Variants in OPRK1 observed in about 807,000 individuals in gnomAD.
OPRK1 encodes kappa-type opioid receptor.
In OPRK1, 15 loss-of-function variants were observed where a neutral mutation model predicts 24.5. That is an observed-to-expected ratio of 0.61 (90% CI 0.41 to 0.94). The LOEUF is 0.94. Ranked by LOEUF, OPRK1 falls within the 40% of genes least tolerant of loss-of-function variation. The pLI is 0.00. For synonymous variants in OPRK1, 205 were observed against 198.0 expected (o/e 1.04, Z -0.30); for missense variants, 479 against 507.3 (o/e 0.94, Z 0.54).
intron 2 of OPRK1, 25 bp from the exon 3 acceptor site, chr8:53,235,136 T>A (rs1806960429): frequency 6.3e-7 from 1 of 1,584,656 alleles, no homozygotes; most frequent in South Asian, 1.1e-5. Flanking sequence ...ACAATAGCAT[T>A]TCCCTCCATT....
chr8:53,235,140 C>A, intron 2 of OPRK1, 29 bp from the exon 3 acceptor site: 1 of 1,583,152 alleles, frequency 6.3e-7, no homozygotes, highest in South Asian at 1.1e-5. Context: ...TAGCATTTCC[C>A]TCCATTTTCA....
chr8:53,236,146 C>T (rs1402814272), intron 2 of OPRK1, among the ~76,000 whole-genome samples: 1 of 152,176 alleles, frequency 6.6e-6, no homozygotes, highest in African/African-American at 2.4e-5. Context: ...ACATGAGAAA[C>T]AACTCTGAAC....
Position 53,228,276 on chromosome 8 carries a change from T to C in OPRK1, c.*1021A>G, listed in dbSNP as rs991468546. On this transcript the variant is annotated 3_prime_UTR_variant, in exon 4 of 4. Transcript: ENST00000265572. ...GAGATGTGGCAAATAAACTAGATCC[T>C]GCGAAGGCTACAACCTGGGAGCTAG... 7.2e-5 allele frequency: 11 copies of C among 152,218 alleles called. No homozygotes were observed. Among genetic ancestry groups the C allele is most frequent in the Admixed American group, 2.6e-4 (4 of 15,278 alleles). The allele number at this position is 152,218 out of a possible 1,614,324, so 9.4% of individuals were successfully genotyped here.
intron 2 of OPRK1, among the ~76,000 whole-genome samples, chr8:53,242,141 G>T (rs564434733): frequency 6.6e-6 from 1 of 152,280 alleles, no homozygotes; most frequent in East Asian, 1.9e-4. Flanking sequence ...TATACAGAAA[G>T]CTGACCTAAG....
At chr8:53,240,314 C>T (rs1807085420) in intron 2 of OPRK1, among the ~76,000 whole-genome samples, 1 of 152,144 alleles carries the variant, frequency 6.6e-6, no homozygotes, top group South Asian at 2.1e-4. Flanking sequence ...AACAAAAGCC[C>T]TGGTGATTTT....
intron 2 of OPRK1, among the ~76,000 whole-genome samples, chr8:53,244,659 C>T (rs1232295831): frequency 6.6e-6 from 1 of 152,156 alleles, no homozygotes; most frequent in Admixed American, 6.5e-5. Flanking sequence ...TTTTTCTTGA[C>T]AAAATTTCCT....
At chr8:53,235,971 A>G (rs1302956723) in intron 2 of OPRK1, among the ~76,000 whole-genome samples, 8 of 152,196 alleles carry the variant, frequency 5.3e-5, no homozygotes, top group Non-Finnish European at 2.9e-5. Flanking sequence ...GCTTCCTCAA[A>G]TATCCATAGA....
In OPRK1 at chr8:53,251,079, T is replaced by C. The variant is rs763868596; in HGVS notation, c.-42A>G. The C allele has an allele frequency of 6.9e-7, 1 of 1,445,560 alleles. No individual in the cohort carries two copies. Among genetic ancestry groups the C allele is most frequent in the South Asian group, 1.5e-5 (1 of 67,980 alleles). 89.5% of individuals were successfully genotyped at this position (1,445,560 alleles called of 1,614,324 possible). On this transcript the variant is annotated 5_prime_UTR_variant, in exon 2 of 4. Transcript: ENST00000265572. ...CAGGAAGGCGAGGACAGGCGGCACC[T>C]GCGGCGCTGCGGGAGCGAAAGAACC... is the stretch of plus-strand genomic sequence containing the variant.
At chr8:53,232,690 C>T (rs1399098693) in intron 3 of OPRK1, among the ~76,000 whole-genome samples, 1 of 152,184 alleles carries the variant, frequency 6.6e-6, no homozygotes, top group Non-Finnish European at 1.5e-5. Flanking sequence ...ATATTAATAT[C>T]AGAGGGCTGT....
Position 53,237,079 on chromosome 8 carries a change from C to T in OPRK1, c.258-1968G>A, listed in dbSNP as rs1807013294. ...GAGTTCCAGGGGTAATTAATGAATGCACCTGACCCAGACAGCATGTCTAAT... is the reference window on the plus strand; with the variant it reads ...GAGTTCCAGGGGTAATTAATGAATGTACCTGACCCAGACAGCATGTCTAAT... On this transcript the variant is annotated intron_variant, in intron 2 of 3. Transcript: ENST00000265572. Among the ~76,000 whole-genome samples the T allele has an allele frequency of 4.6e-5, 7 of 152,132 alleles. 1 individual carries two copies. The highest frequency in any genetic ancestry group is 4.6e-4 in the Admixed American group (7 of 15,274).
chr8:53,250,349 G>A (rs1168585346), intron 2 of OPRK1, among the ~76,000 whole-genome samples: 3 of 152,146 alleles, frequency 2.0e-5, no homozygotes, highest in Admixed American at 2.0e-4. Flanking sequence ...TGCATTGGGT[G>A]GGCTTGAAAT....
Position 53,250,792 on chromosome 8 carries a change from G to C in OPRK1, c.246C>G (p.Phe82Leu). The C allele has an allele frequency of 6.2e-7, 1 of 1,607,434 alleles. No individual in the cohort carries two copies. The highest frequency in any genetic ancestry group is 8.5e-7 in the Non-Finnish European group (1 of 1,176,852). Residue 82 changes from phenylalanine to leucine, a missense_variant, in exon 2 of 4, where the codon TTC becomes TTG. Coordinates refer to ENST00000265572, the MANE Select transcript of OPRK1 (RefSeq NM_000912.5). ...GTCCCCGCGCTCACCGGATGATCACGAACATGACCAGCGAGTTGCCCACCA... is the reference window on the plus strand; with the variant it reads ...GTCCCCGCGCTCACCGGATGATCACCAACATGACCAGCGAGTTGCCCACCA... ...VGLVGNSLVM[F>L]VIIRYTKMKT...
Position 53,250,907 on chromosome 8 carries a change from G to A in OPRK1, c.131C>T (p.Ser44Leu), listed in dbSNP as rs199804328. ...AEPDSNGSAGSEDAQLEPAHI... is the reference protein window; with the variant it reads ...AEPDSNGSAGLEDAQLEPAHI... ...CGCGGGCTCCAGCTGCGCGTCCTCC[G>A]AGCCGGCGCTGCCGTTGCTGTCGGG... The change falls in exon 2 of 4, where the codon TCG becomes TTG. Residue 44 changes from serine to leucine, a missense_variant. Coordinates refer to ENST00000265572, the MANE Select transcript of OPRK1 (RefSeq NM_000912.5). The A allele has an allele frequency of 5.6e-6, 9 of 1,611,440 alleles. No homozygotes were observed. Among genetic ancestry groups the A allele is most frequent in the Non-Finnish European group, 6.8e-6 (8 of 1,179,234 alleles).
intron 1 of OPRK1, 126 bp downstream of exon 1, chr8:53,251,322 C>T: frequency 2.0e-6 from 1 of 489,574 alleles, no homozygotes; most frequent in Non-Finnish European, 3.5e-6. Context: ...CCTCCCTCAC[C>T]AATTCTAGGC....
chr8:53,248,056 A>G (rs1209675300), intron 2 of OPRK1, among the ~76,000 whole-genome samples: 1 of 150,952 alleles, frequency 6.6e-6, no homozygotes, highest in Non-Finnish European at 1.5e-5. Flanking sequence ...ACACCCAACA[A>G]CCACAAACCC....
At chr8:53,240,802 GA>G (rs1176858546) in intron 2 of OPRK1, among the ~76,000 whole-genome samples, 1 of 152,106 alleles carries the variant, frequency 6.6e-6, no homozygotes, top group African/African-American at 2.4e-5. Flanking sequence ...TGCTTATCTT[GA>G]AATTTGCTGA....
intron 2 of OPRK1, among the ~76,000 whole-genome samples, chr8:53,239,949 C>CT (rs1563329346): frequency 6.6e-6 from 1 of 152,186 alleles, no homozygotes; most frequent in East Asian, 1.9e-4. Flanking sequence ...TCCAAGCTTT[C>CT]TTTAAAAACC....
At chr8:53,248,988 C>G (rs1807303125) in intron 2 of OPRK1, among the ~76,000 whole-genome samples, 1 of 152,158 alleles carries the variant, frequency 6.6e-6, no homozygotes, top group Admixed American at 6.5e-5. Context: ...CATTAAAAAT[C>G]CTAGCTAATC....
At position 53,250,772 on chromosome 8, in the gene OPRK1, C is replaced by T. The variant is rs376414326; in HGVS notation, c.257+9G>A. 3.7e-6 allele frequency: 6 copies of T among 1,600,594 alleles called. No individual in the cohort carries two copies. The African/African-American group carries it at 8.1e-5, about 22-fold the overall frequency. ...CCAGCCCCCAGCGCTGCGCTGTCCCCGCGCTCACCGGATGATCACGAACAT... is the reference window on the plus strand; with the variant it reads ...CCAGCCCCCAGCGCTGCGCTGTCCCTGCGCTCACCGGATGATCACGAACAT... On this transcript the variant is annotated intron_variant, in intron 2 of 3. Transcript: ENST00000265572.
Sources: gnomAD v4.1 joint callset for allele counts (sites outside exome capture counted in the v4.1 genomes callset) on GRCh38, gnomAD v4.1.1 for gene constraint, MANE v1.5 for transcripts, NCBI Gene and HGNC (gene_info 2026-07-23, HGNC 2026-07-21) for gene names.